The following CHD7 variants were observed in gnomAD, a reference collection of about 807,000 sequenced individuals.
CHD7 encodes the protein ATP-dependent chromatin remodeler CHD7.
CHD7 carries 24 observed loss-of-function variants against 307.3 expected under a neutral mutation model. The observed-to-expected ratio is 0.08, with a 90% CI of 0.06 to 0.11. The LOEUF (loss-of-function observed/expected upper bound fraction) is 0.11. Ranked by LOEUF, CHD7 falls within the 10% of genes least tolerant of loss-of-function variation. CHD7 has a pLI of 1.00. For missense variants in CHD7, 3,106 were observed against 3,727.1 expected (o/e 0.83, Z 4.34); for synonymous variants, 1,363 against 1,349.9 (o/e 1.01, Z -0.21).
intron 37 of CHD7, 157 bp downstream of exon 37, chr8:60,862,809 TAA>T: frequency 1.9e-6 from 1 of 522,514 alleles, no homozygotes; most frequent in African/African-American, 1.9e-5. Flanking sequence ...CATACATCAT[TAA>T]TACATCATTA....
chr8:60,856,417 A>G (rs1204075403), intron 33 of CHD7, 28 bp from the exon 34 acceptor site: 3 of 1,584,824 alleles, frequency 1.9e-6, no homozygotes, highest in Admixed American at 1.8e-5. Context: ...GCTCACTGCA[A>G]CTCTGTTCTG....
chr8:60,729,923 A>C (rs980114317), intron 1 of CHD7, among the ~76,000 whole-genome samples: 1 of 152,206 alleles, frequency 6.6e-6, no homozygotes, highest in Admixed American at 6.5e-5. Flanking sequence ...TACAAGTTAG[A>C]TTGCTGTCCT....
intron 1 of CHD7, 65 bp from the exon 2 acceptor site, chr8:60,741,194 T>C: frequency 1.9e-6 from 1 of 522,844 alleles, no homozygotes; most frequent in Non-Finnish European, 3.4e-6. Context: ...ACTGGCAGTT[T>C]TTATCATTGG....
chr8:60,853,384 G>A lies in CHD7; in HGVS notation c.6659G>A (p.Gly2220Asp), dbSNP rs752591881. Residue 2220 changes from glycine to aspartate, a missense_variant, in exon 31 of 38, where the codon GGT becomes GAT. Transcript: ENST00000423902. ...AGCTCTGTGAAAAATGAACTGAAAG[G>A]TGTTGAGGTCGGCGCAGACACTGGG... ...EASSVKNELK[G>D]VEVGADTGSK... is the part of the protein sequence containing the mutation. The A allele has an allele frequency of 2.6e-6, 4 of 1,546,090 alleles. No individual in the cohort carries two copies. Among genetic ancestry groups the A allele is most frequent in the South Asian group, 1.3e-5 (1 of 78,458 alleles).
chr8:60,831,388 G>A (rs772905547), intron 15 of CHD7, among the ~76,000 whole-genome samples: 103 of 151,924 alleles, frequency 6.8e-4, no homozygotes, highest in Admixed American at 3.3e-4. Flanking sequence ...CTGAAGTAAC[G>A]ATACAAGCAA....
Position 60,866,199 on chromosome 8 carries a change from C to CTTTT in CHD7, c.*274_*277dup. ...TTAAGGAAACTTACATAATGCTCTG[C>CTTTT]TTTTTTTTTTTCTCTTGGTACCATT... On this transcript the variant is annotated 3_prime_UTR_variant, in exon 38 of 38. Transcript: ENST00000423902. 3.9e-6 allele frequency: 1 copy of CTTTT among 253,984 alleles called. No homozygotes were observed. Among genetic ancestry groups the CTTTT allele is most frequent in the Non-Finnish European group, 7.4e-6 (1 of 135,456 alleles). The allele number at this position is 253,984 out of a possible 1,614,324, so 15.7% of individuals were successfully genotyped here.
intron 21 of CHD7, among the ~76,000 whole-genome samples, chr8:60,843,426 G>A (rs1461761758): frequency 3.9e-5 from 6 of 152,228 alleles, no homozygotes; most frequent in African/African-American, 1.4e-4. Context: ...CTACAGCTAA[G>A]AAGTGTGCTT....
At chr8:60,831,179 T>C (rs2150766263) in intron 15 of CHD7, among the ~76,000 whole-genome samples, 1 of 152,250 alleles carries the variant, frequency 6.6e-6, no homozygotes, top group South Asian at 2.1e-4. Context: ...AGGTAGTAAA[T>C]ATTTCATGCT....
At chr8:60,684,225 A>G (rs1805767201) in intron 1 of CHD7, among the ~76,000 whole-genome samples, 1 of 152,164 alleles carries the variant, frequency 6.6e-6, no homozygotes, top group African/African-American at 2.4e-5. Context: ...TACCTATGCT[A>G]ATGTGGAATC....
Position 60,731,523 on chromosome 8 carries a change from C to T in CHD7, c.-174-9736C>T, listed in dbSNP as rs146306518. Among the ~76,000 whole-genome samples the T allele has an allele frequency of 1.4e-4, 21 of 152,156 alleles. No homozygotes were observed. The East Asian group carries it at 3.3e-3, about 24-fold the overall frequency. ...TCCACTAGAGGTCTTGGTACGTATC[C>T]CCAGGATGAAGGGGGACTACTGCAT... On this transcript the variant is annotated intron_variant, in intron 1 of 37. Coordinates refer to ENST00000423902, the MANE Select transcript of CHD7 (RefSeq NM_017780.4).
chr8:60,792,581 G>T (rs147564488), intron 3 of CHD7, among the ~76,000 whole-genome samples: 1 of 152,328 alleles, frequency 6.6e-6, no homozygotes, highest in Admixed American at 6.5e-5. Context: ...GAGAGGGACT[G>T]TCTGACTTTC....
At chr8:60,701,275 C>G (rs535788181) in intron 1 of CHD7, among the ~76,000 whole-genome samples, 1 of 152,330 alleles carries the variant, frequency 6.6e-6, no homozygotes, top group Admixed American at 6.5e-5. Flanking sequence ...TAGAAGAGAT[C>G]CCGGCTCAGA....
intron 1 of CHD7, among the ~76,000 whole-genome samples, chr8:60,737,727 G>C (rs1336633100): frequency 6.6e-6 from 1 of 152,190 alleles, no homozygotes; most frequent in Non-Finnish European, 1.5e-5. Flanking sequence ...CATAGGTACC[G>C]TTTGCTACAT....
chr8:60,816,854 A>G (rs1196786910), intron 8 of CHD7, among the ~76,000 whole-genome samples: 1 of 152,254 alleles, frequency 6.6e-6, no homozygotes, highest in Non-Finnish European at 1.5e-5. Flanking sequence ...TACAAGTTCT[A>G]AGATACAAAA....
At chr8:60,785,820 G>T in intron 3 of CHD7, among the ~76,000 whole-genome samples, 1 of 150,410 alleles carries the variant, frequency 6.6e-6, no homozygotes, top group Non-Finnish European at 1.5e-5. Context: ...GCCTTCCTTT[G>T]ATTTTTTTTT....
At chr8:60,751,322 T>G (rs1809632733) in intron 2 of CHD7, among the ~76,000 whole-genome samples, 1 of 152,200 alleles carries the variant, frequency 6.6e-6, no homozygotes, top group Non-Finnish European at 1.5e-5. Context: ...TTTCACTTTT[T>G]TCTTCTGTGC....
At chr8:60,836,466 C>T (rs1804745218) in intron 16 of CHD7, among the ~76,000 whole-genome samples, 183 bp downstream of exon 16, 1 of 152,150 alleles carries the variant, frequency 6.6e-6, no homozygotes, top group Admixed American at 6.5e-5. Context: ...TACAGGAGGA[C>T]ACTGCATACT....
At chr8:60,731,655 T>C (rs752572580) in intron 1 of CHD7, among the ~76,000 whole-genome samples, 3 of 152,262 alleles carry the variant, frequency 2.0e-5, no homozygotes, top group Non-Finnish European at 2.9e-5. Flanking sequence ...CTTTGTCAAA[T>C]ATAACTTGAT....
chr8:60,691,828 A>T (rs1464529851), intron 1 of CHD7, among the ~76,000 whole-genome samples: 1 of 152,210 alleles, frequency 6.6e-6, no homozygotes, highest in African/African-American at 2.4e-5. Context: ...GATTATTTTA[A>T]AGACCCTGTG....
Sources: allele counts gnomAD v4.1 joint callset (sites outside exome capture counted in the v4.1 genomes callset), GRCh38; gene constraint gnomAD v4.1.1; transcripts MANE v1.5; gene names NCBI Gene and HGNC (gene_info 2026-07-23, HGNC 2026-07-21).